Variants in TTN observed in about 807,000 individuals in gnomAD.
TTN encodes titin, also known as connectin.
In TTN, 1,525 loss-of-function variants were observed where a neutral mutation model predicts 3,223.0. The ratio of observed to expected loss-of-function variants is 0.47; its 90% CI spans 0.45 to 0.49. The LOEUF (loss-of-function observed/expected upper bound fraction) is 0.49, where lower values mean the gene tolerates loss of function less well. Ranked by LOEUF, TTN falls within the 20% of genes least tolerant of loss-of-function variation. The pLI is 0.00. For synonymous variants in TTN, 14,094 were observed against 15,161.0 expected, an observed-to-expected ratio of 0.93 and a Z score of 5.17; for missense variants, 40,786 against 43,424.0, an observed-to-expected ratio of 0.94 and a Z score of 5.40.
rs558670891 is a variant in TTN, at chr2:178,589,695, A to G, written c.62030T>C (p.Ile20677Thr). The G allele has an allele frequency of 3.6e-5, 58 of 1,613,508 alleles. No homozygotes were observed. The highest frequency in any genetic ancestry group is 2.3e-4 in the South Asian group (21 of 91,068). ...GACAAATGTCTTTCCTTTATCTGCA[A>G]TGTGAAGGTTTTCAGGCTCACCTGG... ...DRPGEPENLHIADKGKTFVYL... is the reference protein window; with the variant it reads ...DRPGEPENLHTADKGKTFVYL... Residue 20677 changes from isoleucine (I) to threonine (T), a missense_variant, in exon 304 of 363, where the codon ATT becomes ACT. Ile to Thr is a moderately conservative substitution (Grantham distance 89). Transcript: ENST00000589042.
At chr2:178,724,193 G>T (rs555982967) in intron 72 of TTN, 50 bp from the exon 73 acceptor site, 1 of 1,582,146 alleles carries the variant, frequency 6.3e-7, no homozygotes, top group South Asian at 1.2e-5. Context: ...GAATAGAAGA[G>T]ACTTGAAAGA....
Position 178,538,730 on chromosome 2 carries a change from G to C in TTN, c.99099C>G (p.Tyr33033Ter). The C allele has an allele frequency of 6.2e-7, 1 of 1,613,658 alleles. No homozygotes were observed. Among genetic ancestry groups the C allele is most frequent in the East Asian group, 2.2e-5 (1 of 44,864 alleles). The stretch of plus-strand genomic sequence containing the variant: ...CTCCAGACTGTCTATATTCAACCCA[G>C]TATCCAAGAATTTCTTTACCACCAT... The part of the protein sequence containing the change: ...ECDGGKEILG[Y>*]WVEYRQSGDS... Residue 33033 changes from tyrosine (Y) to a stop codon, truncating the protein, a stop_gained, in exon 354 of 363, where the codon TAC becomes TAG. Transcript: ENST00000589042. LOFTEE classifies it high-confidence loss of function.
intron 47 of TTN, chr2:178,749,421 T>G (rs144226338): frequency 1.9e-6 from 3 of 1,613,028 alleles, no homozygotes; most frequent in Non-Finnish European, 2.5e-6. Context: ...CTAGAAGGTA[T>G]GCAACGCACC....
At chr2:178,747,029 G>T in intron 47 of TTN, 1 of 1,613,312 alleles carries the variant, frequency 6.2e-7, no homozygotes, top group African/African-American at 1.3e-5. Flanking sequence ...AGTGGGGTTT[G>T]GTCCTCCAGT....
chr2:178,679,611 G>C lies in TTN; in HGVS notation c.33652C>G (p.Pro11218Ala). 4 of 1,611,068 alleles carry C rather than the reference G, an allele frequency of 2.5e-6. No homozygotes were observed. The highest frequency in any genetic ancestry group is 3.4e-6 in the Non-Finnish European group (4 of 1,178,920). The change falls in exon 141 of 363, where the codon CCA becomes GCA. Residue 11218 changes from proline (P) to alanine (A), a missense_variant. Pro to Ala is a conservative substitution (Grantham distance 27, BLOSUM62 -1). Transcript: ENST00000589042. ...PVPVPKKKEA[P>A]PAKVPEVPKK... ...AATGGTGGTGTACCTTTTGCCGGTG[G>C]AGCTTCCTTCTTCTTGGGAACAGGA...
rs1292854996 is a variant in TTN, at chr2:178,733,524, T to C, written c.15776-7A>G. On this transcript the variant is annotated splice_polypyrimidine_tract_variant and splice_region_variant and intron_variant, in intron 53 of 362. Transcript: ENST00000589042. Reference sequence around the variant, plus strand: ...TCAATGATTTTGGCAGGTTCTACAATGGTATGAAATAGTTAGCACCCTAAA... The same window carrying C: ...TCAATGATTTTGGCAGGTTCTACAACGGTATGAAATAGTTAGCACCCTAAA... The C allele has an allele frequency of 1.2e-6, 2 of 1,606,272 alleles. No homozygotes were observed. Among genetic ancestry groups the C allele is most frequent in the Non-Finnish European group, 1.7e-6 (2 of 1,175,002 alleles).
Position 178,745,234 on chromosome 2 carries a change from T to C in TTN, c.11312-3313A>G, listed in dbSNP as rs114402183. 1.3e-3 allele frequency: 1,403 copies of C among 1,088,880 alleles called. 9 individuals are homozygous for C. In the African/African-American group the frequency reaches 0.02, roughly 15 times the overall value. 67.5% of individuals were successfully genotyped at this position (1,088,880 alleles called of 1,614,324 possible). ...TCCACTTTTACATTGTACTTTTGCA[T>C]ATATGGTTTATCTGCTAAAAGAGAG... is the stretch of plus-strand genomic sequence containing the variant. On this transcript the variant is annotated intron_variant, in intron 47 of 362. Coordinates refer to ENST00000589042, the MANE Select transcript of TTN (RefSeq NM_001267550.2).
At chr2:178,622,286 A>C (rs2058415621) in intron 243 of TTN, among the ~76,000 whole-genome samples, 1 of 151,950 alleles carries the variant, frequency 6.6e-6, no homozygotes, top group East Asian at 1.9e-4. Context: ...CATTATGCAG[A>C]CTAACTTCTT....
At position 178,733,911 on chromosome 2, in the gene TTN, C is replaced by T; in HGVS notation, c.15497-19G>A. The T allele has an allele frequency of 6.5e-7, 1 of 1,547,840 alleles. No individual in the cohort carries two copies. The highest frequency in any genetic ancestry group is 1.3e-5 in the South Asian group (1 of 79,574). ...GGAGGTTCTAGTTAAGGAAAGAGAGCATATAAAACATATCAATTCCCAAAC... is the reference window on the plus strand; with the variant it reads ...GGAGGTTCTAGTTAAGGAAAGAGAGTATATAAAACATATCAATTCCCAAAC... On this transcript the variant is annotated intron_variant, in intron 52 of 362. Transcript: ENST00000589042.
rs1337083084 is a variant in TTN, at chr2:178,800,692, C to CAAAGTCAAAGTGAACA, written c.296-11_296-10insTGTTCACTTTGACTTT. 1.2e-6 allele frequency: 2 copies of CAAAGTCAAAGTGAACA among 1,602,420 alleles called. No individual in the cohort carries two copies. The highest frequency in any genetic ancestry group is 1.7e-6 in the Non-Finnish European group (2 of 1,174,608). ...GGTGGTGCTGTCTCAGCTGCGGGGA[C>CAAAGTCAAAGTGAACA]AAGAGAACAAAGTCAAGAGTGAGAG... On this transcript the variant is annotated splice_polypyrimidine_tract_variant and intron_variant, in intron 3 of 362. Coordinates refer to ENST00000589042, the MANE Select transcript of TTN (RefSeq NM_001267550.2).
chr2:178,634,421 C>T lies in TTN; in HGVS notation c.42360G>A (p.Gly14120=). 6.2e-7 allele frequency: 1 copy of T among 1,612,858 alleles called. No individual in the cohort carries two copies. Among genetic ancestry groups the T allele is most frequent in the Non-Finnish European group, 8.5e-7 (1 of 1,179,444 alleles). The stretch of plus-strand genomic sequence containing the variant: ...TGCCCTCCACCTCAGCAGTATAGAC[C>T]CCTTCATCATCAAATTGAGAATCAT... ...VINDSQFDDE[G]VYTAEVEGKK... Residue 14120 remains glycine, a synonymous_variant, in exon 230 of 363, where the codon GGG becomes GGA. Coordinates refer to ENST00000589042, the MANE Select transcript of TTN (RefSeq NM_001267550.2). This position sits in a 1 kb window ranked among gnomAD's most constrained non-coding sequence, Gnocchi z 4.6.
In TTN at chr2:178,533,985, T is replaced by G; in HGVS notation, c.102630A>C (p.Lys34210Asn). Reference protein sequence around the residue: ...TKLDDGTYRCKVVNDYGEDSS... With the variant: ...TKLDDGTYRCNVVNDYGEDSS... ...TGTCTTCACCATAGTCATTGACTAC[T>G]TTGCATCTGTAGGTACCATCATCTA... Residue 34210 changes from lysine (K) to asparagine (N), a missense_variant, in exon 358 of 363, where the codon AAA (lysine) becomes AAC (asparagine). Lys to Asn is a moderately conservative substitution (Grantham distance 94). Transcript: ENST00000589042. 1 of 1,613,954 alleles carries G rather than the reference T, an allele frequency of 6.2e-7. No homozygotes were observed. The highest frequency in any genetic ancestry group is 2.2e-5 in the East Asian group (1 of 44,882).
chr2:178,736,115 C>T (rs1458827080), intron 49 of TTN, 41 bp from the exon 50 acceptor site: 1 of 1,492,010 alleles, frequency 6.7e-7, no homozygotes, highest in Non-Finnish European at 9.0e-7. Flanking sequence ...TAGTCCCCAC[C>T]AAAGCACTTG....
At chr2:178,685,080 G>A in intron 129 of TTN, 91 bp from the exon 130 acceptor site, 1 of 1,222,304 alleles carries the variant, frequency 8.2e-7, no homozygotes, top group Middle Eastern at 1.9e-4. Flanking sequence ...TGAAAAGATT[G>A]CACATATATA....
chr2:178,771,214 C>T lies in TTN; in HGVS notation c.8113G>A (p.Glu2705Lys). The T allele has an allele frequency of 1.2e-6, 2 of 1,613,982 alleles. No homozygotes were observed. Among genetic ancestry groups the T allele is most frequent in the Non-Finnish European group, 1.7e-6 (2 of 1,179,976 alleles). ...TSKTSAKLKV[E>K]AVKIKKTLKN... ...GGACAAATCCTATGTTACTTGCCTT[C>T]AACTTTGAGTTTGGCAGATGTTTTG... Residue 2705 changes from glutamate to lysine, a missense_variant, in exon 34 of 363, where the codon GAA becomes AAA. Physicochemically the swap from Glu to Lys is moderately conservative, Grantham distance 56. Transcript: ENST00000589042.
In TTN at chr2:178,769,786, T is replaced by C. The variant is rs1490705975; in HGVS notation, c.8795A>G (p.Gln2932Arg). 6.2e-7 allele frequency: 1 copy of C among 1,614,096 alleles called. No homozygotes were observed. Among genetic ancestry groups the C allele is most frequent in the Non-Finnish European group, 8.5e-7 (1 of 1,179,984 alleles). ...EMSEKFKIVVQGKLHQLIIMN... is the reference protein window; with the variant it reads ...EMSEKFKIVVRGKLHQLIIMN... Reference sequence around the variant, plus strand: ...GATGATCAGCTGATGGAGTTTTCCCTGCACAACTATCTTGAACTTTTCACT... The same window carrying C: ...GATGATCAGCTGATGGAGTTTTCCCCGCACAACTATCTTGAACTTTTCACT... The change falls in exon 37 of 363, where the codon CAG (glutamine) becomes CGG (arginine). Residue 2932 changes from glutamine (Q) to arginine (R), a missense_variant. Gln to Arg is a conservative substitution (Grantham distance 43). Transcript: ENST00000589042.
rs561016877 is a variant in TTN, at chr2:178,684,760, A to T, written c.32555-11T>A. 47 of 1,611,108 alleles carry T rather than the reference A, an allele frequency of 2.9e-5. No homozygotes were observed. In the East Asian group the frequency reaches 1.0e-3, roughly 35 times the overall value. On this transcript the variant is annotated splice_polypyrimidine_tract_variant and intron_variant, in intron 130 of 362. Transcript: ENST00000589042. ...TTGGCTCTTCTGGCACTTAAAAGAT[A>T]CCAGGCAATACCATCAAACATACGA...
Position 178,534,854 on chromosome 2 carries a change from G to A in TTN, c.101761C>T (p.His33921Tyr), listed in dbSNP as rs1410541718. ...AACTGAAGTGCTTCACAGACCTGGT[G>A]AACATAACTTACAATTTCTCTTTCA... is the stretch of plus-strand genomic sequence containing the variant. Reference protein sequence around the residue: ...LNEREIVSYVHQVCEALQFLH... With the variant: ...LNEREIVSYVYQVCEALQFLH... Residue 33921 changes from histidine to tyrosine, a missense_variant, in exon 358 of 363, where the codon CAC becomes TAC. Coordinates refer to ENST00000589042, the MANE Select transcript of TTN (RefSeq NM_001267550.2). 3 of 1,608,702 alleles carry A rather than the reference G, an allele frequency of 1.9e-6. No homozygotes were observed. Among genetic ancestry groups the A allele is most frequent in the Non-Finnish European group, 2.5e-6 (3 of 1,179,806 alleles).
rs540085214 is a variant in TTN at position 178,741,331 on chromosome 2, T to C, written c.11902A>G (p.Thr3968Ala). 8.7e-6 allele frequency: 14 copies of C among 1,613,734 alleles called. No homozygotes were observed. Among genetic ancestry groups the C allele is most frequent in the Non-Finnish European group, 1.2e-5 (14 of 1,179,810 alleles). Reference sequence around the variant, plus strand: ...TTGTTTTCTTTGAACCATGTAACAGTAGGGGCAGGCTCTCCAACCACTGTG... The same window carrying C: ...TTGTTTTCTTTGAACCATGTAACAGCAGGGGCAGGCTCTCCAACCACTGTG... ...EYTVVGEPAP[T>A]VTWFKENKQL... Residue 3968 changes from threonine to alanine, a missense_variant, in exon 48 of 363, where the codon ACT (threonine) becomes GCT (alanine). Coordinates refer to ENST00000589042, the MANE Select transcript of TTN (RefSeq NM_001267550.2).
Sources: allele counts gnomAD v4.1 joint callset (sites outside exome capture counted in the v4.1 genomes callset), GRCh38; gene constraint gnomAD v4.1.1; non-coding constraint Gnocchi (gnomAD v3.1); transcripts MANE v1.5; gene names NCBI Gene and HGNC (gene_info 2026-07-23, HGNC 2026-07-21).